Variants in VSTM4 observed in about 807,000 individuals in gnomAD.
VSTM4 encodes V-set and transmembrane domain-containing protein 4.
VSTM4 carries 20 observed loss-of-function variants against 36.4 expected under a neutral mutation model. The observed-to-expected ratio is 0.55, with a 90% CI of 0.39 to 0.80. The LOEUF (loss-of-function observed/expected upper bound fraction) is 0.80, where lower values mean the gene tolerates loss of function less well. Among genes scored for constraint, VSTM4 ranks in the 30% least tolerant of loss-of-function variants. The pLI, the probability that VSTM4 is intolerant of heterozygous loss-of-function variation, is 0.00. For missense variants in VSTM4, 392 were observed against 404.5 expected (o/e 0.97, Z 0.26); for synonymous variants, 182 against 173.9 (o/e 1.05, Z -0.37).
At chr10:49,093,287 C>A (rs1844511154) in intron 2 of VSTM4, among the ~76,000 whole-genome samples, 1 of 152,134 alleles carries the variant, frequency 6.6e-6, no homozygotes, top group African/African-American at 2.4e-5. Flanking sequence ...AGCTCCTGCC[C>A]ATCTGTATGC....
chr10:49,079,654 C>A (rs1844242555), intron 3 of VSTM4, among the ~76,000 whole-genome samples: 1 of 152,106 alleles, frequency 6.6e-6, no homozygotes, highest in Non-Finnish European at 1.5e-5. Flanking sequence ...AAATAGAGGA[C>A]CACTTAGTAA....
chr10:49,106,801 T>C (rs1844791454), intron 2 of VSTM4, among the ~76,000 whole-genome samples: 1 of 152,226 alleles, frequency 6.6e-6, no homozygotes, highest in African/African-American at 2.4e-5. Flanking sequence ...TCAGAGCCCC[T>C]TCTCGACTAA....
chr10:49,045,604 C>G (rs943102764), intron 7 of VSTM4, among the ~76,000 whole-genome samples: 2 of 152,158 alleles, frequency 1.3e-5, no homozygotes, highest in African/African-American at 4.8e-5. Context: ...TGACATGCCT[C>G]CCTTCTGGAG....
chr10:49,078,984 G>T (rs571832386), intron 3 of VSTM4, among the ~76,000 whole-genome samples: 2 of 150,396 alleles, frequency 1.3e-5, no homozygotes. Flanking sequence ...GGTCCACGCC[G>T]CCACACCCAG....
intron 7 of VSTM4, among the ~76,000 whole-genome samples, chr10:49,037,247 C>T (rs976783603): frequency 2.0e-5 from 3 of 152,186 alleles, no homozygotes; most frequent in Admixed American, 6.5e-5. Flanking sequence ...ATCCTGATAG[C>T]GTCGACCCCA....
At chr10:49,088,336 C>T (rs117302833) in intron 2 of VSTM4, among the ~76,000 whole-genome samples, 1 of 152,146 alleles carries the variant, frequency 6.6e-6, no homozygotes, top group Non-Finnish European at 1.5e-5. Context: ...GCAACCTGGA[C>T]CTCCAGGAAG....
intron 5 of VSTM4, among the ~76,000 whole-genome samples, chr10:49,058,330 G>A (rs1221187839): frequency 2.0e-5 from 3 of 152,212 alleles, no homozygotes; most frequent in Non-Finnish European, 4.4e-5. Context: ...AAGGCATCTG[G>A]ATCCATTGGA....
intron 1 of VSTM4, among the ~76,000 whole-genome samples, chr10:49,114,491 G>A (rs760894015): frequency 6.6e-6 from 1 of 152,036 alleles, no homozygotes; most frequent in South Asian, 2.1e-4. Flanking sequence ...AGGCAAGTCC[G>A]TTCATGGGCC....
At chr10:49,093,664 C>T (rs1844517847) in intron 2 of VSTM4, among the ~76,000 whole-genome samples, 1 of 151,400 alleles carries the variant, frequency 6.6e-6, no homozygotes. Flanking sequence ...ATGCCTTATT[C>T]TACCTTGTTC....
intron 2 of VSTM4, among the ~76,000 whole-genome samples, chr10:49,104,828 CACAG>C (rs1844736340): frequency 7.2e-6 from 1 of 139,158 alleles, no homozygotes; most frequent in African/African-American, 2.6e-5. Context: ...GGGAGAGAGA[CACAG>C]AGAGAGAGAG....
intron 7 of VSTM4, among the ~76,000 whole-genome samples, chr10:49,031,910 G>A (rs917212404): frequency 6.6e-6 from 1 of 152,042 alleles, no homozygotes. Context: ...TTCATTCAGG[G>A]TCTACTTCAG....
chr10:49,094,960 G>A (rs1590126470), intron 2 of VSTM4, among the ~76,000 whole-genome samples: 3 of 152,288 alleles, frequency 2.0e-5, no homozygotes, highest in African/African-American at 7.2e-5. Context: ...TGAGTGACCT[G>A]CAGGCAGCAG....
At chr10:49,042,108 T>A (rs530376536) in intron 7 of VSTM4, among the ~76,000 whole-genome samples, 9 of 152,178 alleles carry the variant, frequency 5.9e-5, no homozygotes, top group Admixed American at 5.9e-4. Context: ...GCACACAGTC[T>A]AGAGGACAGT....
At chr10:49,091,483 G>T (rs1464696849) in intron 2 of VSTM4, among the ~76,000 whole-genome samples, 2 of 152,212 alleles carry the variant, frequency 1.3e-5, no homozygotes, top group Non-Finnish European at 2.9e-5. Context: ...AAGCAGGCTG[G>T]AAAGAAAGAG....
rs144987371 is a variant in VSTM4, at chr10:49,095,321, C to G, written c.458-9298G>C. Among the ~76,000 whole-genome samples the G allele has an allele frequency of 3.7e-3, 566 of 152,230 alleles. 5 individuals are homozygous for G. The highest frequency in any genetic ancestry group is 0.013 in the African/African-American group (534 of 41,528). On this transcript the variant is annotated intron_variant, in intron 2 of 7. Coordinates refer to ENST00000332853, the MANE Select transcript of VSTM4 (RefSeq NM_001031746.5). The stretch of plus-strand genomic sequence containing the variant: ...CTGCCATGTCTCCAGAGAAAAAGAG[C>G]TTGGATCACTCATTCACTCCTCCAT...
At chr10:49,030,141 C>T (rs748061267) in intron 7 of VSTM4, among the ~76,000 whole-genome samples, 1 of 152,210 alleles carries the variant, frequency 6.6e-6, no homozygotes, top group Non-Finnish European at 1.5e-5. Flanking sequence ...TATCCAATGG[C>T]TACTGAAGAC....
chr10:49,080,057 C>CA lies in VSTM4; in HGVS notation c.527-2732dup, dbSNP rs1347526290. Among the ~76,000 whole-genome samples, 3 of 152,282 alleles carry CA rather than the reference C, an allele frequency of 2.0e-5. No homozygotes were observed. In the East Asian group the frequency reaches 5.8e-4, roughly 29 times the overall value. On this transcript the variant is annotated intron_variant, in intron 3 of 7. Transcript: ENST00000332853. ...TAACAATCTCTTACTATTGGCTACT[C>CA]AAAGTGTTTCTACCTGTTCCCCATC...
At chr10:49,052,300 A>G (rs1590088500) in intron 5 of VSTM4, among the ~76,000 whole-genome samples, 1 of 152,328 alleles carries the variant, frequency 6.6e-6, no homozygotes, top group Admixed American at 6.5e-5. Flanking sequence ...AAAATGACTC[A>G]TTTAATGAAG....
At chr10:49,109,005 G>T (rs1230144370) in intron 1 of VSTM4, among the ~76,000 whole-genome samples, 1 of 152,210 alleles carries the variant, frequency 6.6e-6, no homozygotes, top group Non-Finnish European at 1.5e-5. Context: ...CCCGAGAAAA[G>T]ATGCTTTGCA....
Sources: allele counts gnomAD v4.1 joint callset (sites outside exome capture counted in the v4.1 genomes callset), GRCh38; gene constraint gnomAD v4.1.1; transcripts MANE v1.5; gene names NCBI Gene and HGNC (gene_info 2026-07-23, HGNC 2026-07-21).